CD300A: variants seen among roughly 807,000 people sequenced by gnomAD.
CD300A encodes the protein CMRF35-like molecule 8.
Under a neutral mutation model 33.6 loss-of-function variants are expected in CD300A, and 22 were observed. The ratio of observed to expected loss-of-function variants is 0.66; its 90% confidence interval spans 0.47 to 0.94. The LOEUF is 0.94. CD300A is among the 40% of genes least tolerant of loss of function. The probability of loss-of-function intolerance (pLI) is 0.00; values close to 1 mark genes in which losing one functional copy is unlikely to be tolerated. For synonymous variants in CD300A, 136 were observed against 148.1 expected (o/e 0.92, Z 0.59); for missense variants, 326 against 360.5 (o/e 0.90, Z 0.77).
rs1598107199 is a variant in CD300A at position 74,480,021 on chromosome 17, A to C, written c.629-1268A>C. On this transcript the variant is annotated intron_variant, in intron 4 of 6. Transcript: ENST00000360141. The surrounding 1 kb of genome is among the most constrained non-coding windows in gnomAD (Gnocchi z 4.2). ...GGCTCCCCCAAACCTTCTCACTACC[A>C]CCCTCCTTCCCGGGCGTTGAACTCC... 6.7e-6 allele frequency among the ~76,000 whole-genome samples: 1 copy of C among 150,336 alleles called. No homozygotes were observed. The highest frequency in any genetic ancestry group is 1.5e-5 in the Non-Finnish European group (1 of 67,568).
intron 2 of CD300A, 93 bp downstream of exon 2, chr17:74,473,967 T>C (rs1906288459): frequency 7.1e-7 from 1 of 1,408,192 alleles, no homozygotes; most frequent in Non-Finnish European, 9.8e-7. Context: ...ACAGTGTGTG[T>C]GTGTGTGTGC....
At position 74,477,539 on chromosome 17, in the gene CD300A, G is replaced by C. The variant is rs1906552755; in HGVS notation, c.628+9G>C. On this transcript the variant is annotated intron_variant, in intron 4 of 6. Coordinates refer to ENST00000360141, the MANE Select transcript of CD300A (RefSeq NM_007261.4). ...TCAGAAATGGATCAAAGGTGAGTTG[G>C]CTCCCCACACCCCTCTGCCCCACCT... The C allele has an allele frequency of 4.4e-6, 7 of 1,606,178 alleles. No homozygotes were observed. Among genetic ancestry groups the C allele is most frequent in the Non-Finnish European group, 6.0e-6 (7 of 1,174,218 alleles).
intron 6 of CD300A, among the ~76,000 whole-genome samples, chr17:74,482,732 T>TTCCTTCC (rs1336360956): frequency 7.5e-6 from 1 of 132,948 alleles, no homozygotes; most frequent in African/African-American, 3.8e-5. Context: ...CTTTCTTTCT[T>TTCCTTCC]TGGAATCTCG....
intron 5 of CD300A, 152 bp downstream of exon 5, chr17:74,481,478 T>TA: frequency 1.4e-6 from 1 of 733,346 alleles, no homozygotes; most frequent in Non-Finnish European, 2.3e-6. Flanking sequence ...ATGTGGTCAC[T>TA]AGGTCTTGTT....
At chr17:74,478,221 T>C (rs1906608590) in intron 4 of CD300A, among the ~76,000 whole-genome samples, 1 of 152,264 alleles carries the variant, frequency 6.6e-6, no homozygotes, top group Non-Finnish European at 1.5e-5. Context: ...CTGGGACCTT[T>C]TCTTTGACTC....
At chr17:74,466,890 G>A in intron 1 of CD300A, 147 bp downstream of exon 1, 2 of 1,494,488 alleles carry the variant, frequency 1.3e-6, no homozygotes, top group South Asian at 2.6e-5. Context: ...CACATAAGAT[G>A]GACAGATGAA....
intron 1 of CD300A, among the ~76,000 whole-genome samples, chr17:74,468,743 G>C (rs770120424): frequency 6.6e-5 from 10 of 151,932 alleles, no homozygotes; most frequent in Non-Finnish European, 1.2e-4. Context: ...TGCAACCTCC[G>C]CCTCCCGGGT....
At chr17:74,470,892 T>A (rs1032186302) in intron 1 of CD300A, among the ~76,000 whole-genome samples, 5 of 151,916 alleles carry the variant, frequency 3.3e-5, no homozygotes, top group Non-Finnish European at 7.4e-5. Flanking sequence ...GCTCAAGCAA[T>A]CCTCCCACTT....
At chr17:74,482,847 A>C (rs1907000069) in intron 6 of CD300A, among the ~76,000 whole-genome samples, 1 of 151,108 alleles carries the variant, frequency 6.6e-6, no homozygotes, top group African/African-American at 2.5e-5. Context: ...AGTAGCTGGG[A>C]CTACAGACAC....
At chr17:74,482,930 G>A (rs529554657) in intron 6 of CD300A, among the ~76,000 whole-genome samples, 21 of 151,502 alleles carry the variant, frequency 1.4e-4, no homozygotes, top group Non-Finnish European at 2.4e-4. Flanking sequence ...GGCTGGTCTC[G>A]GACTCCTGAC....
intron 3 of CD300A, among the ~76,000 whole-genome samples, chr17:74,476,622 C>T (rs1416424211): frequency 1.3e-5 from 2 of 152,170 alleles, no homozygotes; most frequent in African/African-American, 4.8e-5. Flanking sequence ...GCTGCATCAG[C>T]CTCCTGGTCA....
At chr17:74,475,027 C>T (rs1181760978) in intron 3 of CD300A, among the ~76,000 whole-genome samples, 6 of 152,222 alleles carry the variant, frequency 3.9e-5, no homozygotes, top group East Asian at 1.9e-4. Context: ...AGTCTGTTTT[C>T]GCACCGTTGA....
At chr17:74,469,425 A>T (rs1410393186) in intron 1 of CD300A, among the ~76,000 whole-genome samples, 1 of 152,036 alleles carries the variant, frequency 6.6e-6, no homozygotes, top group Non-Finnish European at 1.5e-5. Flanking sequence ...AAAAATCATC[A>T]GTGTCGCCCA....
In CD300A at chr17:74,477,423, G is replaced by C. The variant is rs761013009; in HGVS notation, c.534-13G>C. 2 of 1,607,824 alleles carry C rather than the reference G, an allele frequency of 1.2e-6. No homozygotes were observed. The highest frequency in any genetic ancestry group is 2.2e-5 in the South Asian group (2 of 90,948). On this transcript the variant is annotated splice_polypyrimidine_tract_variant and intron_variant, in intron 3 of 6. Transcript: ENST00000360141. ...AAGTTGGCCCCGCCCTTACCATCCT[G>C]TGCCTCCTCCAGGCTCCCGCTGCTC... is the stretch of plus-strand genomic sequence containing the variant.
chr17:74,482,977 T>C (rs530608800), intron 6 of CD300A, among the ~76,000 whole-genome samples: 1 of 152,026 alleles, frequency 6.6e-6, no homozygotes, highest in South Asian at 2.1e-4. Flanking sequence ...CCCAAAGTGC[T>C]GGGATTACAG....
chr17:74,482,477 G>A (rs1225100917), intron 6 of CD300A, among the ~76,000 whole-genome samples: 4 of 151,868 alleles, frequency 2.6e-5, no homozygotes, highest in African/African-American at 9.7e-5. Flanking sequence ...GCCTGGAAAA[G>A]TGGCCCAACT....
chr17:74,477,645 C>A, intron 4 of CD300A, 115 bp downstream of exon 4: 2 of 630,826 alleles, frequency 3.2e-6, no homozygotes, highest in Non-Finnish European at 5.7e-6. Flanking sequence ...CATGTGACAC[C>A]CAGACCACAC....
intron 1 of CD300A, chr17:74,470,155 AG>A: frequency 1.0e-6 from 1 of 985,340 alleles, no homozygotes; most frequent in Non-Finnish European, 1.2e-6. Context: ...TTATGATTAG[AG>A]GGGTTTGGGG....
At chr17:74,481,205 G>A in intron 4 of CD300A, 84 bp from the exon 5 acceptor site, 1 of 1,320,542 alleles carries the variant, frequency 7.6e-7, no homozygotes, top group Non-Finnish European at 1.1e-6. Flanking sequence ...TCTAGGGAAA[G>A]GCCTTTTCCC....
Sources: gnomAD v4.1 joint callset for allele counts (sites outside exome capture counted in the v4.1 genomes callset) on GRCh38, gnomAD v4.1.1 for gene constraint, Gnocchi (gnomAD v3.1) non-coding constraint, MANE v1.5 for transcripts, NCBI Gene and HGNC (gene_info 2026-07-23, HGNC 2026-07-21) for gene names.